NKAIN4: variants seen among roughly 807,000 people sequenced by gnomAD.
NKAIN4 encodes sodium/potassium transporting ATPase interacting 4.
NKAIN4 carries 28 observed loss-of-function variants against 28.8 expected under a neutral mutation model. The ratio of observed to expected loss-of-function variants is 0.97; its 90% CI spans 0.72 to 1.33. The LOEUF (loss-of-function observed/expected upper bound fraction) is 1.33. NKAIN4 is among the 40% of genes most tolerant of loss of function. The probability of loss-of-function intolerance (pLI) is 0.00; values close to 1 mark genes in which losing one functional copy is unlikely to be tolerated. For missense variants in NKAIN4, 289 were observed against 277.2 expected, an observed-to-expected ratio of 1.04 and a Z score of -0.30; for synonymous variants, 122 against 115.6, an observed-to-expected ratio of 1.06 and a Z score of -0.36.
Position 63,247,081 on chromosome 20 carries a change from C to T in NKAIN4, c.471+497G>A, listed in dbSNP as rs551372420. 2.8e-4 allele frequency: 289 copies of T among 1,028,746 alleles called. No homozygotes were observed. In the Middle Eastern group the frequency reaches 4.3e-3, roughly 15 times the overall value. 63.7% of individuals were successfully genotyped at this position (1,028,746 alleles called of 1,614,324 possible). ...CCGGTCAGACCTGGGTCACGTGGCG[C>T]CAGCCTTGCCAGATGCATACGCCAG... On this transcript the variant is annotated intron_variant, in intron 4 of 6. Coordinates refer to ENST00000370316, the MANE Select transcript of NKAIN4 (RefSeq NM_152864.4).
At chr20:63,249,503 A>AT in intron 2 of NKAIN4, among the ~76,000 whole-genome samples, 1 of 152,260 alleles carries the variant, frequency 6.6e-6, no homozygotes, top group African/African-American at 2.4e-5. Flanking sequence ...GCAGAGAGAC[A>AT]TTTTTCTGAA....
chr20:63,246,406 T>C (rs927643490), intron 4 of NKAIN4, among the ~76,000 whole-genome samples: 1 of 152,192 alleles, frequency 6.6e-6, no homozygotes, highest in Non-Finnish European at 1.5e-5. Flanking sequence ...AGGCCCCGAC[T>C]GGAGCTGGCA....
intron 4 of NKAIN4, 91 bp downstream of exon 4, chr20:63,247,487 C>G: frequency 6.5e-7 from 1 of 1,545,618 alleles, no homozygotes; most frequent in Non-Finnish European, 8.7e-7. Context: ...GCCAGGTCAG[C>G]TGGCCCCGCC....
Position 63,250,092 on chromosome 20 carries a change from C to T in NKAIN4, c.55-20G>A. ...GGCGACCTAGGAGCAGGGCGGGCGCCATGAAGGGTGGACCCGAGGGAGGCC... is the reference window on the plus strand; with the variant it reads ...GGCGACCTAGGAGCAGGGCGGGCGCTATGAAGGGTGGACCCGAGGGAGGCC... On this transcript the variant is annotated intron_variant, in intron 1 of 6. Transcript: ENST00000370316. 6.5e-7 allele frequency: 1 copy of T among 1,550,336 alleles called. No individual in the cohort carries two copies. Among genetic ancestry groups the T allele is most frequent in the Non-Finnish European group, 8.7e-7 (1 of 1,147,514 alleles).
rs1214227675 is a variant in NKAIN4, at chr20:63,241,448, C to T, written c.*49G>A. The T allele has an allele frequency of 6.5e-6, 10 of 1,548,678 alleles. No homozygotes were observed. The South Asian group carries it at 8.3e-5, about 13-fold the overall frequency. ...GGGAGCTCCTGTCATTGTCACTGGT[C>T]GGTCGCTGAGGCTGGAGGCCACAGG... On this transcript the variant is annotated 3_prime_UTR_variant, in exon 7 of 7. Transcript: ENST00000370316.
chr20:63,245,487 G>A lies in NKAIN4; in HGVS notation c.472-1403C>T, dbSNP rs116746532. On this transcript the variant is annotated intron_variant, in intron 4 of 6. Transcript: ENST00000370316. This position sits in a 1 kb window ranked among gnomAD's most constrained non-coding sequence, Gnocchi z 4.7. ...GGCCACCTCTGTCCCACACCCCCAT[G>A]CTCCCCGCCCTGCACACCACCGCCT... 9.5e-4 allele frequency among the ~76,000 whole-genome samples: 144 copies of A among 151,994 alleles called. 1 individual carries two copies. Among genetic ancestry groups the A allele is most frequent in the African/African-American group, 2.8e-3 (118 of 41,434 alleles).
intron 4 of NKAIN4, 76 bp downstream of exon 4, chr20:63,247,502 G>C: frequency 6.5e-7 from 1 of 1,548,890 alleles, no homozygotes; most frequent in Non-Finnish European, 8.7e-7. Context: ...CCCGCCTCAG[G>C]GAGATGAGCC....
intron 2 of NKAIN4, chr20:63,249,118 G>A (rs559690413): frequency 1.9e-4 from 104 of 540,172 alleles, no homozygotes; most frequent in African/African-American, 1.8e-3. Context: ...GAATGAGGCG[G>A]TGGGACAGCC....
rs1040152488 is a variant in NKAIN4 at position 63,247,935 on chromosome 20, T to C, written c.274-160A>G. 2.6e-5 allele frequency among the ~76,000 whole-genome samples: 4 copies of C among 152,232 alleles called. No individual in the cohort carries two copies. The East Asian group carries it at 5.8e-4, about 22-fold the overall frequency. On this transcript the variant is annotated intron_variant, in intron 3 of 6. Coordinates refer to ENST00000370316, the MANE Select transcript of NKAIN4 (RefSeq NM_152864.4). ...CACCCCGCCCCCAGGGCTCCAGCCA[T>C]GGTGGGGAAAGGAATACCAAGGCCC...
At chr20:63,254,575 G>T, upstream of NKAIN4, 1 of 524,622 alleles carries the variant, frequency 1.9e-6, no homozygotes, top group Non-Finnish European at 2.5e-6. Flanking sequence ...CCTCCTCCCC[G>T]CAACCCCCGG....
chr20:63,249,021 C>T (rs886099986), intron 2 of NKAIN4, 126 bp from the exon 3 acceptor site: 7 of 686,324 alleles, frequency 1.0e-5, no homozygotes, highest in East Asian at 5.5e-5. Context: ...CTGAGTCTGG[C>T]GGCCCCCAGA....
At chr20:63,244,145 A>C (rs2236186) in intron 4 of NKAIN4, 61 bp from the exon 5 acceptor site, 935,760 of 1,506,360 alleles carry the variant, frequency 0.62, 293,703 homozygotes, top group East Asian at 0.87. Flanking sequence ...GGTGTCATTG[A>C]GGCGATGTGG....
chr20:63,254,493 G>GGCC, upstream of NKAIN4: 1 of 1,255,834 alleles, frequency 8.0e-7, no homozygotes, highest in Non-Finnish European at 1.0e-6. Context: ...CCCGCGCTCG[G>GGCC]CCCCCGCCCC....
Position 63,247,812 on chromosome 20 carries a change from C to G in NKAIN4, c.274-37G>C, listed in dbSNP as rs1432698691. The G allele has an allele frequency of 2.8e-6, 4 of 1,422,194 alleles. No individual in the cohort carries two copies. In the East Asian group the frequency reaches 1.0e-4, roughly 37 times the overall value. 88.1% of individuals were successfully genotyped at this position (1,422,194 alleles called of 1,614,324 possible). ...GTGCAGGAGCAGGGCCGGTTAGCAC[C>G]AGGAGGTGGGCGGCCTCACCCACTG... On this transcript the variant is annotated intron_variant, in intron 3 of 6. Transcript: ENST00000370316.
chr20:63,244,063 A>T lies in NKAIN4; in HGVS notation c.493T>A (p.Cys165Ser). 6.2e-7 allele frequency: 1 copy of T among 1,613,900 alleles called. No individual in the cohort carries two copies. ...LIALLGFVCGCQVVSVFTEEE... is the reference protein window; with the variant it reads ...LIALLGFVCGSQVVSVFTEEE... The stretch of plus-strand genomic sequence containing the variant: ...TCCGTAAACACGCTGACCACCTGGC[A>T]GCCACAGACAAAGCCCAGAAGCTGA... The change falls in exon 5 of 7, where the codon TGC (cysteine) becomes AGC (serine). Residue 165 changes from cysteine to serine, a missense_variant. Physicochemically the swap from Cys to Ser is moderately radical, Grantham distance 112. Transcript: ENST00000370316.
intron 4 of NKAIN4, chr20:63,244,456 C>T: frequency 2.1e-6 from 1 of 484,618 alleles, no homozygotes; most frequent in Non-Finnish European, 4.2e-6. Flanking sequence ...CCTGCGTCCC[C>T]TCGGGCCTCT....
chr20:63,254,501 C>T (rs1031460917), upstream of NKAIN4: 14 of 1,222,314 alleles, frequency 1.1e-5, no homozygotes, highest in Non-Finnish European at 1.3e-5. Context: ...CGGCCCCCGC[C>T]CCCGCTCCGC....
intron 1 of NKAIN4, among the ~76,000 whole-genome samples, chr20:63,251,861 C>T (rs1330621812): frequency 6.6e-6 from 1 of 152,124 alleles, no homozygotes; most frequent in Non-Finnish European, 1.5e-5. Context: ...GGCTAGCCGC[C>T]CACGAAACTC....
chr20:63,247,280 G>A (rs2236193), intron 4 of NKAIN4: 466,657 of 1,329,556 alleles, frequency 0.35, 85,339 homozygotes, highest in East Asian at 0.54. Context: ...GAGGCGGGGT[G>A]TCTCGGCCTG....
Sources: allele counts gnomAD v4.1 joint callset (sites outside exome capture counted in the v4.1 genomes callset), GRCh38; gene constraint gnomAD v4.1.1; non-coding constraint Gnocchi (gnomAD v3.1); transcripts MANE v1.5; gene names NCBI Gene and HGNC (gene_info 2026-07-23, HGNC 2026-07-21).